AGBL1: variants seen among roughly 807,000 people sequenced by gnomAD.
AGBL1 encodes cytosolic carboxypeptidase 4.
AGBL1 carries 130 observed loss-of-function variants against 118.9 expected under a neutral mutation model. The observed-to-expected ratio is 1.09, with a 90% CI of 0.95 to 1.26. AGBL1 has a LOEUF of 1.26. Ranked by LOEUF, AGBL1 falls within the 50% of genes most tolerant of loss-of-function variation. The pLI is 0.00. For missense variants in AGBL1, 1,584 were observed against 1,298.1 expected (o/e 1.22, Z -3.38); for synonymous variants, 555 against 478.9 (o/e 1.16, Z -2.08).
chr15:86,277,304 ATGTGTGTGTGTGTATGTG>A (rs2079271995), intron 15 of AGBL1, among the ~76,000 whole-genome samples: 1 of 106,264 alleles, frequency 9.4e-6, no homozygotes, highest in Non-Finnish European at 1.9e-5. Flanking sequence ...GTGTGTGTGC[ATGTGTGTGTGTGTATGTG>A]TGTGTGTGTG....
At chr15:86,577,454 G>A (rs1209259381) in intron 21 of AGBL1, among the ~76,000 whole-genome samples, 2 of 152,180 alleles carry the variant, frequency 1.3e-5, no homozygotes, top group South Asian at 2.1e-4. Context: ...TTTTCAGCCT[G>A]ACAATGTGAT....
At chr15:86,756,980 G>A (rs940174446) in intron 22 of AGBL1, among the ~76,000 whole-genome samples, 5 of 143,048 alleles carry the variant, frequency 3.5e-5, no homozygotes, top group African/African-American at 5.2e-5. Flanking sequence ...TACTCATTCC[G>A]CTTGTAACTA....
chr15:86,951,246 C>A (rs1003123627), intron 23 of AGBL1, among the ~76,000 whole-genome samples: 4 of 152,168 alleles, frequency 2.6e-5, no homozygotes, highest in Non-Finnish European at 4.4e-5. Context: ...TATGAACTGG[C>A]ACAACCACCT....
intron 22 of AGBL1, among the ~76,000 whole-genome samples, chr15:86,697,417 CTAAG>C (rs2086281412): frequency 6.6e-6 from 1 of 151,500 alleles, no homozygotes; most frequent in South Asian, 2.1e-4. Context: ...TTGCGTTTCT[CTAAG>C]TGTGTTCTTT....
chr15:86,965,017 T>C (rs1447963278), intron 23 of AGBL1, among the ~76,000 whole-genome samples: 1 of 152,194 alleles, frequency 6.6e-6, no homozygotes, highest in African/African-American at 2.4e-5. Flanking sequence ...ACATTTTCTT[T>C]ATCCAGTCTA....
chr15:86,848,923 A>G (rs1232120432), intron 22 of AGBL1, among the ~76,000 whole-genome samples: 1 of 152,094 alleles, frequency 6.6e-6, no homozygotes, highest in Non-Finnish European at 1.5e-5. Context: ...ACAAATTACC[A>G]CCCCTTTTAT....
At chr15:86,480,377 C>T (rs1016630162) in intron 18 of AGBL1, among the ~76,000 whole-genome samples, 1 of 152,010 alleles carries the variant, frequency 6.6e-6, no homozygotes, top group Admixed American at 6.5e-5. Context: ...TCAAAGCACT[C>T]AAAGTTCATT....
intron 21 of AGBL1, among the ~76,000 whole-genome samples, chr15:86,653,828 T>C (rs1258849243): frequency 6.6e-6 from 1 of 152,102 alleles, no homozygotes; most frequent in Non-Finnish European, 1.5e-5. Context: ...CTAGCCAATG[T>C]CTCATACTCC....
chr15:86,206,806 A>G (rs1324257477), intron 5 of AGBL1, among the ~76,000 whole-genome samples: 1 of 152,032 alleles, frequency 6.6e-6, no homozygotes, highest in East Asian at 1.9e-4. Flanking sequence ...CAGAAGCTCT[A>G]TAGTTTCATT....
chr15:86,341,115 C>T (rs1297356999), intron 17 of AGBL1, among the ~76,000 whole-genome samples: 3 of 152,206 alleles, frequency 2.0e-5, no homozygotes, highest in African/African-American at 7.2e-5. Context: ...AGGTTCCCTA[C>T]CTGGCCTTTT....
At chr15:86,970,005 G>A (rs891912056) in intron 23 of AGBL1, among the ~76,000 whole-genome samples, 1 of 151,816 alleles carries the variant, frequency 6.6e-6, no homozygotes, top group Non-Finnish European at 1.5e-5. Context: ...TGGGTGGTAG[G>A]TCGTAGCTGC....
chr15:86,928,526 G>C (rs2080571117), intron 23 of AGBL1, among the ~76,000 whole-genome samples: 1 of 152,156 alleles, frequency 6.6e-6, no homozygotes. Flanking sequence ...GGGCTGGTTT[G>C]CTCTTTCCAC....
At chr15:86,424,529 T>C (rs1367484257) in intron 18 of AGBL1, among the ~76,000 whole-genome samples, 2 of 152,132 alleles carry the variant, frequency 1.3e-5, no homozygotes, top group African/African-American at 4.8e-5. Flanking sequence ...AAAGCCAAAA[T>C]TGACAAATGG....
intron 3 of AGBL1, among the ~76,000 whole-genome samples, chr15:86,146,188 G>T (rs2077031303): frequency 6.6e-6 from 1 of 152,004 alleles, no homozygotes. Flanking sequence ...CATTTCTGTG[G>T]GTTCTGCACC....
rs188347165 is a variant in AGBL1, at chr15:86,540,467, C to T, written c.2686-5535C>T. Among the ~76,000 whole-genome samples the T allele has an allele frequency of 3.1e-3, 478 of 152,182 alleles. 2 individuals are homozygous for T. The highest frequency in any genetic ancestry group is 5.6e-3 in the Non-Finnish European group (382 of 68,006). The stretch of plus-strand genomic sequence containing the variant: ...AAAGTTAGCTGAGCGTGGTGGCAGG[C>T]ACCTGCAGTCCTGGCTACTCGGAAG... On this transcript the variant is annotated intron_variant, in intron 19 of 22. Transcript: ENST00000614907.
rs554548013 is a variant in AGBL1, at chr15:86,816,524, G to T, written c.3159-90563G>T. Among the ~76,000 whole-genome samples the T allele has an allele frequency of 2.0e-5, 3 of 152,318 alleles. No homozygotes were observed. The East Asian group carries it at 5.8e-4, about 29-fold the overall frequency. On this transcript the variant is annotated intron_variant, in intron 22 of 22. Transcript: ENST00000614907. Reference sequence around the variant, plus strand: ...AGCATAGTTGTAGAACATTCATCTGGAAGTTTCGCTGTTAAGAGAAGGTGA... The same window carrying T: ...AGCATAGTTGTAGAACATTCATCTGTAAGTTTCGCTGTTAAGAGAAGGTGA...
At chr15:86,686,961 C>G (rs765865518) in intron 22 of AGBL1, among the ~76,000 whole-genome samples, 1 of 152,098 alleles carries the variant, frequency 6.6e-6, no homozygotes, top group Non-Finnish European at 1.5e-5. Context: ...ACTCTAAGAC[C>G]AGAATGTTTA....
At chr15:86,135,487 G>C (rs1439832735) in intron 1 of AGBL1, among the ~76,000 whole-genome samples, 1 of 152,200 alleles carries the variant, frequency 6.6e-6, no homozygotes, top group African/African-American at 2.4e-5. Flanking sequence ...AAATTGAGCT[G>C]TGCACCTTGT....
At chr15:86,760,846 G>C (rs1299107820) in intron 22 of AGBL1, among the ~76,000 whole-genome samples, 1 of 152,032 alleles carries the variant, frequency 6.6e-6, no homozygotes, top group African/African-American at 2.4e-5. Flanking sequence ...TCCCACCCTA[G>C]AGAGGAAAAG....
Sources: allele counts gnomAD v4.1 joint callset (sites outside exome capture counted in the v4.1 genomes callset), GRCh38; gene constraint gnomAD v4.1.1; transcripts MANE v1.5; gene names NCBI Gene and HGNC (gene_info 2026-07-23, HGNC 2026-07-21).